SNTG2: variants seen among roughly 807,000 people sequenced by gnomAD.
SNTG2 encodes the protein gamma-2-syntrophin.
Under a neutral mutation model 70.9 loss-of-function variants are expected in SNTG2, and 74 were observed. That is an observed-to-expected ratio of 1.04 (90% CI 0.86 to 1.27). The LOEUF (loss-of-function observed/expected upper bound fraction) is 1.27, where lower values mean the gene tolerates loss of function less well. Among genes scored for constraint, SNTG2 ranks in the 50% most tolerant of loss-of-function variants. SNTG2 has a pLI of 0.00. For missense variants in SNTG2, 717 were observed against 690.7 expected (o/e 1.04, Z -0.43); for synonymous variants, 278 against 273.8 (o/e 1.02, Z -0.15).
intron 1 of SNTG2, among the ~76,000 whole-genome samples, chr2:956,062 C>T (rs1246852543): frequency 2.3e-5 from 3 of 131,930 alleles, no homozygotes; most frequent in Admixed American, 7.5e-5. Flanking sequence ...CCTGCCCCTA[C>T]CCCTGACCCT....
At chr2:957,917 C>T (rs1003916833) in intron 1 of SNTG2, among the ~76,000 whole-genome samples, 2 of 152,116 alleles carry the variant, frequency 1.3e-5, no homozygotes, top group Admixed American at 6.5e-5. Context: ...TCATAGCAGC[C>T]GTGGGAAGCT....
At position 1,222,085 on chromosome 2, in the gene SNTG2, G is replaced by C. The variant is rs1450432357; in HGVS notation, c.719+12855G>C. ...TCTGTTTCTCTCTGTCTCTGTCTCT[G>C]TCTCTCTCTGTCTCTCTCTGTCTCT... is the stretch of plus-strand genomic sequence containing the variant. On this transcript the variant is annotated intron_variant, in intron 9 of 16. Transcript: ENST00000308624. Among the ~76,000 whole-genome samples, 49 of 7,184 alleles carry C rather than the reference G, an allele frequency of 6.8e-3. 4 individuals carry two copies. The highest frequency in any genetic ancestry group is 0.013 in the Admixed American group (8 of 618). The allele number at this position is 7,184 out of a possible 152,430, so 4.7% of individuals were successfully genotyped here.
chr2:1,329,277 A>C (rs554751423), intron 16 of SNTG2, among the ~76,000 whole-genome samples: 3 of 152,228 alleles, frequency 2.0e-5, no homozygotes, highest in South Asian at 2.1e-4. Context: ...ACAACAACAA[A>C]AAATGTCTAT....
chr2:980,502 A>G (rs1458211347), intron 1 of SNTG2, among the ~76,000 whole-genome samples: 2 of 152,206 alleles, frequency 1.3e-5, no homozygotes, highest in Non-Finnish European at 2.9e-5. Flanking sequence ...TCACGTTTTC[A>G]TCTTGTTTCA....
intron 8 of SNTG2, among the ~76,000 whole-genome samples, chr2:1,179,390 G>A: frequency 6.6e-6 from 1 of 152,016 alleles, no homozygotes; most frequent in Admixed American, 6.5e-5. Context: ...AAATCAATGT[G>A]CAAAAATCAC....
rs1185380513 is a variant in SNTG2, at chr2:1,302,555, A to C, written c.1285-5939A>C. 2.6e-5 allele frequency among the ~76,000 whole-genome samples: 4 copies of C among 151,956 alleles called. No homozygotes were observed. In the East Asian group the frequency reaches 7.7e-4, roughly 29 times the overall value. ...ATTGGAATGCTAAAAAAAAAAAAAA[A>C]AAAGTTTAAGTAACTTACAGTTAGG... On this transcript the variant is annotated intron_variant, in intron 14 of 16. Transcript: ENST00000308624.
chr2:1,027,134 T>C (rs1660522499), intron 1 of SNTG2, among the ~76,000 whole-genome samples: 1 of 152,162 alleles, frequency 6.6e-6, no homozygotes, highest in Non-Finnish European at 1.5e-5. Context: ...AGCTCTCCCC[T>C]ACATCTGCTC....
At chr2:1,330,310 C>T (rs775650734) in intron 16 of SNTG2, among the ~76,000 whole-genome samples, 3 of 152,184 alleles carry the variant, frequency 2.0e-5, no homozygotes, top group Non-Finnish European at 2.9e-5. Flanking sequence ...AAGCTAAGTG[C>T]ATCCTCTGAG....
rs368695045 is a variant in SNTG2, at chr2:1,341,846, CTTTT to C, written c.1489-25483_1489-25480del. The C allele has an allele frequency of 5.2e-4, 72 of 137,266 alleles. No homozygotes were observed. In the South Asian group the frequency reaches 7.9e-3, roughly 15 times the overall value. The allele number at this position is 137,266 out of a possible 1,614,324, so 8.5% of individuals were successfully genotyped here. A position where few individuals can be genotyped will look rare whatever the true frequency, so the allele number is the denominator to read the frequency against. On this transcript the variant is annotated intron_variant, in intron 16 of 16. Transcript: ENST00000308624. ...TCTTTTTGTTTCCTAATTTTTATCGCTTTTTTTTTTTTTTTTTGAGATAGGGTCT... is the reference window on the plus strand; with the variant it reads ...TCTTTTTGTTTCCTAATTTTTATCGCTTTTTTTTTTTTTGAGATAGGGTCT...
At chr2:1,120,937 A>G (rs530783189) in intron 4 of SNTG2, among the ~76,000 whole-genome samples, 1 of 152,240 alleles carries the variant, frequency 6.6e-6, no homozygotes, top group South Asian at 2.1e-4. Flanking sequence ...TTTCCATGCA[A>G]TAGCAGCAAA....
At chr2:1,133,585 C>T (rs1159895769) in intron 4 of SNTG2, among the ~76,000 whole-genome samples, 1 of 152,166 alleles carries the variant, frequency 6.6e-6, no homozygotes, top group African/African-American at 2.4e-5. Flanking sequence ...CAGCTAAAAT[C>T]AACAAACCTT....
At position 1,095,726 on chromosome 2, in the gene SNTG2, T is replaced by C. The variant is rs560512988; in HGVS notation, c.211-2470T>C. On this transcript the variant is annotated intron_variant, in intron 2 of 16. Coordinates refer to ENST00000308624, the MANE Select transcript of SNTG2 (RefSeq NM_018968.4). ...CTAACTTGTTTCTTCTCAAAATGTA[T>C]TTTCTCTCGTCTTGTACTTGCTTGC... Among the ~76,000 whole-genome samples the C allele has an allele frequency of 2.6e-5, 4 of 152,354 alleles. No individual in the cohort carries two copies. The South Asian group carries it at 8.3e-4, about 32-fold the overall frequency.
intron 12 of SNTG2, among the ~76,000 whole-genome samples, chr2:1,255,597 T>C (rs1678007261): frequency 6.6e-6 from 1 of 151,834 alleles, no homozygotes; most frequent in Admixed American, 6.6e-5. Context: ...TTGCTAAATC[T>C]GAACCGCTTG....
At chr2:1,042,656 A>C (rs1370140534) in intron 1 of SNTG2, among the ~76,000 whole-genome samples, 2 of 152,202 alleles carry the variant, frequency 1.3e-5, no homozygotes, top group African/African-American at 4.8e-5. Context: ...CTCACTTAGG[A>C]TAATGGCCTC....
chr2:1,021,067 A>G (rs940530544), intron 1 of SNTG2, among the ~76,000 whole-genome samples: 5 of 152,086 alleles, frequency 3.3e-5, no homozygotes, highest in African/African-American at 7.3e-5. Context: ...GTGAATGATT[A>G]ATTCTCTCTT....
rs536244470 is a variant in SNTG2 at position 968,031 on chromosome 2, A to T, written c.72+16963A>T. The stretch of plus-strand genomic sequence containing the variant: ...CAGAGCGAGACTCTGTCTCAAAATT[A>T]AAAAAAAAAAAGTGTCTTTTTATAG... On this transcript the variant is annotated intron_variant, in intron 1 of 16. Coordinates refer to ENST00000308624, the MANE Select transcript of SNTG2 (RefSeq NM_018968.4). Among the ~76,000 whole-genome samples the T allele has an allele frequency of 2.6e-3, 318 of 120,280 alleles. 2 individuals are homozygous for T. Among genetic ancestry groups the T allele is most frequent in the African/African-American group, 7.2e-3 (247 of 34,080 alleles). 78.9% of individuals were successfully genotyped at this position (120,280 alleles called of 152,430 possible). A position where few individuals can be genotyped will look rare whatever the true frequency, so the allele number is the denominator to read the frequency against.
intron 1 of SNTG2, among the ~76,000 whole-genome samples, chr2:979,010 C>T (rs4524154): frequency 0.3 from 46,220 of 151,978 alleles, 7,387 homozygotes; most frequent in Middle Eastern, 0.41. Flanking sequence ...TGTGTGTAAA[C>T]CAAGGCCCTG....
intron 9 of SNTG2, among the ~76,000 whole-genome samples, chr2:1,217,002 G>A (rs909190867): frequency 2.6e-5 from 4 of 152,094 alleles, no homozygotes; most frequent in East Asian, 1.9e-4. Context: ...CATTGTTGCT[G>A]TGGGGAATAT....
chr2:1,121,661 C>T (rs28826401), intron 4 of SNTG2, among the ~76,000 whole-genome samples: 27,348 of 151,844 alleles, frequency 0.18, 3,003 homozygotes, highest in African/African-American at 0.31. Flanking sequence ...CATAAGGTGG[C>T]AGGAAAGAGA....
Sources: allele counts gnomAD v4.1 joint callset (sites outside exome capture counted in the v4.1 genomes callset), GRCh38; gene constraint gnomAD v4.1.1; transcripts MANE v1.5; gene names NCBI Gene and HGNC (gene_info 2026-07-23, HGNC 2026-07-21).